The following AFAP1L1 variants were observed in gnomAD, a reference collection of about 807,000 sequenced individuals.
AFAP1L1 encodes the protein actin filament associated protein 1 like 1, also known as actin filament-associated protein 1-like 1.
A neutral mutation model predicts 99.8 loss-of-function variants in AFAP1L1; 77 were observed. The ratio of observed to expected loss-of-function variants is 0.77; its 90% CI spans 0.64 to 0.93. AFAP1L1 has a LOEUF of 0.93. Among genes scored for constraint, AFAP1L1 ranks in the 40% least tolerant of loss-of-function variants. The pLI, the probability that AFAP1L1 is intolerant of heterozygous loss-of-function variation, is 0.00. For missense variants in AFAP1L1, 893 were observed against 996.8 expected (o/e 0.90, Z 1.40); for synonymous variants, 373 against 395.3 (o/e 0.94, Z 0.67).
At chr5:149,302,030 G>C (rs563126775) in intron 4 of AFAP1L1, among the ~76,000 whole-genome samples, 127 of 152,330 alleles carry the variant, frequency 8.3e-4, no homozygotes, top group Non-Finnish European at 1.4e-3. Flanking sequence ...CTCAGCTGCG[G>C]GTGGTCCTGC....
At chr5:149,300,420 C>G in intron 3 of AFAP1L1, 66 bp downstream of exon 3, 1 of 1,430,716 alleles carries the variant, frequency 7.0e-7, no homozygotes, top group Non-Finnish European at 9.7e-7. Flanking sequence ...GCAGAAGGGT[C>G]CCCCGACTGG....
intron 1 of AFAP1L1, among the ~76,000 whole-genome samples, chr5:149,289,805 C>CA (rs2127591475): frequency 6.6e-6 from 1 of 152,306 alleles, no homozygotes; most frequent in African/African-American, 2.4e-5. Context: ...GGAGTAAACC[C>CA]AGAGCTGGAC....
At chr5:149,272,611 G>T (rs547515096) in intron 1 of AFAP1L1, among the ~76,000 whole-genome samples, 1 of 152,230 alleles carries the variant, frequency 6.6e-6, no homozygotes, top group African/African-American at 2.4e-5. Context: ...TTTGGTAGAC[G>T]TTTCACAGAA....
At chr5:149,336,491 A>G (rs1340108169) in intron 18 of AFAP1L1, among the ~76,000 whole-genome samples, 1 of 152,204 alleles carries the variant, frequency 6.6e-6, no homozygotes, top group East Asian at 1.9e-4. Context: ...AACCTGGATC[A>G]TTTATAAAGA....
intron 6 of AFAP1L1, 22 bp from the exon 7 acceptor site, chr5:149,307,380 T>A (rs1756450200): frequency 6.2e-7 from 1 of 1,613,278 alleles, no homozygotes; most frequent in South Asian, 1.1e-5. Context: ...CAGTGATGGA[T>A]CCTTTCCCGT....
chr5:149,317,817 G>A lies in AFAP1L1; in HGVS notation c.1356G>A (p.Met452Ile). 1 of 1,613,440 alleles carries A rather than the reference G, an allele frequency of 6.2e-7. No individual in the cohort carries two copies. The highest frequency in any genetic ancestry group is 1.7e-4 in the Middle Eastern group (1 of 6,060). ...CTCTGTATTTCCACAAGGATCACAT[G>A]GACCTGCGAACCCATGTGAACGCCA... is the stretch of plus-strand genomic sequence containing the variant. ...CNTLYFHKDHMDLRTHVNAIA... is the reference protein window; with the variant it reads ...CNTLYFHKDHIDLRTHVNAIA... Residue 452 changes from methionine to isoleucine, a missense_variant, in exon 12 of 19, where the codon ATG becomes ATA. Transcript: ENST00000296721.
At chr5:149,333,063 C>G (rs1281742221) in intron 17 of AFAP1L1, among the ~76,000 whole-genome samples, 190 bp downstream of exon 17, 2 of 152,232 alleles carry the variant, frequency 1.3e-5, no homozygotes, top group African/African-American at 4.8e-5. Context: ...GGAGCAATTT[C>G]TCTTGGTTTC....
At chr5:149,281,327 A>G (rs1039256736) in intron 1 of AFAP1L1, among the ~76,000 whole-genome samples, 18 of 152,154 alleles carry the variant, frequency 1.2e-4, no homozygotes, top group African/African-American at 3.9e-4. Context: ...CATTGGACAG[A>G]TGCAATAACT....
At chr5:149,299,443 C>A in intron 1 of AFAP1L1, 66 bp from the exon 2 acceptor site, 1 of 1,587,932 alleles carries the variant, frequency 6.3e-7, no homozygotes. Context: ...TGGTGGGGGG[C>A]CGAACTCCCG....
intron 8 of AFAP1L1, 31 bp from the exon 9 acceptor site, chr5:149,312,081 A>C (rs1756647172): frequency 6.2e-7 from 1 of 1,600,138 alleles, no homozygotes; most frequent in South Asian, 1.1e-5. Flanking sequence ...TTCCCTGCCC[A>C]CCCGTTCACA....
chr5:149,340,074 C>T lies in AFAP1L1; in HGVS notation c.*44C>T. 4 of 1,611,124 alleles carry T rather than the reference C, an allele frequency of 2.5e-6. No individual in the cohort carries two copies. Among genetic ancestry groups the T allele is most frequent in the Non-Finnish European group, 3.4e-6 (4 of 1,177,662 alleles). ...ATTCCAAAGGAAATACCAGCTTGTC[C>T]ACCTGAGGAAGAAATGCTTTTTTCA... On this transcript the variant is annotated 3_prime_UTR_variant, in exon 19 of 19. Coordinates refer to ENST00000296721, the MANE Select transcript of AFAP1L1 (RefSeq NM_152406.4).
At chr5:149,317,665 C>T (rs992348062) in intron 11 of AFAP1L1, 64 bp from the exon 12 acceptor site, 31 of 1,562,792 alleles carry the variant, frequency 2.0e-5, no homozygotes, top group South Asian at 1.9e-4. Context: ...CACATGGAGC[C>T]GCCTTGCGTC....
chr5:149,300,442 C>A, intron 3 of AFAP1L1, 88 bp downstream of exon 3: 1 of 1,192,410 alleles, frequency 8.4e-7, no homozygotes, highest in Non-Finnish European at 1.2e-6. Flanking sequence ...CTGGGCTTGG[C>A]TCTAACATCG....
chr5:149,317,670 T>C, intron 11 of AFAP1L1, 59 bp from the exon 12 acceptor site: 1 of 1,575,476 alleles, frequency 6.3e-7, no homozygotes, highest in Non-Finnish European at 8.7e-7. Context: ...GGAGCCGCCT[T>C]GCGTCCCCAT....
chr5:149,318,242 T>C (rs1486976485), intron 12 of AFAP1L1, among the ~76,000 whole-genome samples: 1 of 152,240 alleles, frequency 6.6e-6, no homozygotes, highest in Admixed American at 6.5e-5. Context: ...TCATCTGACA[T>C]TCAAATTAAA....
At chr5:149,284,990 A>C (rs1449551761) in intron 1 of AFAP1L1, among the ~76,000 whole-genome samples, 1 of 152,184 alleles carries the variant, frequency 6.6e-6, no homozygotes, top group Non-Finnish European at 1.5e-5. Context: ...AAGCAGAGAG[A>C]TATTTGGGGC....
intron 8 of AFAP1L1, among the ~76,000 whole-genome samples, chr5:149,311,816 A>G (rs1301574065): frequency 6.6e-6 from 1 of 152,222 alleles, no homozygotes; most frequent in South Asian, 2.1e-4. Context: ...CCCATGTTGC[A>G]GATGTGGACA....
intron 16 of AFAP1L1, among the ~76,000 whole-genome samples, chr5:149,330,781 C>T (rs1317462842): frequency 1.3e-5 from 2 of 152,068 alleles, no homozygotes; most frequent in Non-Finnish European, 2.9e-5. Context: ...TGTAACATAT[C>T]AGATTATTTA....
At chr5:149,309,910 T>C in intron 7 of AFAP1L1, 46 bp from the exon 8 acceptor site, 1 of 1,613,380 alleles carries the variant, frequency 6.2e-7, no homozygotes, top group Non-Finnish European at 8.5e-7. Flanking sequence ...CTCCCTCCTC[T>C]ACCCTCTACT....
Sources: gnomAD v4.1 joint callset for allele counts (sites outside exome capture counted in the v4.1 genomes callset) on GRCh38, gnomAD v4.1.1 for gene constraint, MANE v1.5 for transcripts, NCBI Gene and HGNC (gene_info 2026-07-23, HGNC 2026-07-21) for gene names.